The following PTPRD variants were observed in gnomAD, a reference collection of about 807,000 sequenced individuals.
PTPRD encodes protein tyrosine phosphatase receptor type D.
A neutral mutation model predicts 214.5 loss-of-function variants in PTPRD; 34 were observed. That is an observed-to-expected ratio of 0.16 (90% CI 0.12 to 0.21). The LOEUF (loss-of-function observed/expected upper bound fraction) is 0.21. Ranked by LOEUF, PTPRD falls within the 10% of genes least tolerant of loss-of-function variation. The pLI is 1.00. For missense variants in PTPRD, 2,545 were observed against 2,398.7 expected, an observed-to-expected ratio of 1.06 and a Z score of -1.27; for synonymous variants, 1,128 against 845.7, an observed-to-expected ratio of 1.33 and a Z score of -5.79.
chr9:8,754,637 T>C (rs1041151637), intron 11 of PTPRD, among the ~76,000 whole-genome samples: 1 of 152,186 alleles, frequency 6.6e-6, no homozygotes, highest in Non-Finnish European at 1.5e-5. Context: ...AAATAATACA[T>C]CTTATAGACA....
chr9:9,789,536 G>A (rs567973952), intron 5 of PTPRD, among the ~76,000 whole-genome samples: 2 of 152,116 alleles, frequency 1.3e-5, no homozygotes, highest in South Asian at 2.1e-4. Flanking sequence ...GGTGGCTCAC[G>A]CCTGTAATCC....
Position 8,668,312 on chromosome 9 carries a change from A to G in PTPRD, c.65-31468T>C, listed in dbSNP as rs188173014. On this transcript the variant is annotated intron_variant, in intron 12 of 45. Transcript: ENST00000381196. ...CTAACCTAAAAGAGGCTTTAATTAG[A>G]TGTTCAAAAAATAGATCAAATTAGG... is the stretch of plus-strand genomic sequence containing the variant. Among the ~76,000 whole-genome samples, 5 of 152,336 alleles carry G rather than the reference A, an allele frequency of 3.3e-5. No homozygotes were observed. In the East Asian group the frequency reaches 9.7e-4, roughly 29 times the overall value.
intron 11 of PTPRD, among the ~76,000 whole-genome samples, chr9:8,892,689 G>GTA (rs78664606): frequency 0.058 from 8,059 of 140,114 alleles, 850 homozygotes; most frequent in African/African-American, 0.2. Context: ...ATATATGAGT[G>GTA]TATATATATA....
chr9:9,418,190 G>A (rs2077545699), intron 8 of PTPRD, among the ~76,000 whole-genome samples: 1 of 151,954 alleles, frequency 6.6e-6, no homozygotes, highest in Non-Finnish European at 1.5e-5. Flanking sequence ...TGGGTGCCTG[G>A]CAAAGTGTTA....
chr9:10,230,325 A>G (rs1302941997), intron 3 of PTPRD, among the ~76,000 whole-genome samples: 1 of 152,002 alleles, frequency 6.6e-6, no homozygotes, highest in African/African-American at 2.4e-5. Flanking sequence ...TGGAAGCTGT[A>G]ACAAACTAAT....
chr9:10,329,585 G>A (rs567562938), intron 3 of PTPRD, among the ~76,000 whole-genome samples: 2 of 151,552 alleles, frequency 1.3e-5, no homozygotes, highest in African/African-American at 2.4e-5. Flanking sequence ...TCAGTACATC[G>A]CATGCTTAAT....
chr9:9,349,313 T>A (rs143697683), intron 9 of PTPRD, among the ~76,000 whole-genome samples: 37 of 152,164 alleles, frequency 2.4e-4, no homozygotes, highest in Middle Eastern at 6.8e-3. Flanking sequence ...CTACCACTAC[T>A]TTGGGAAAGC....
At chr9:8,530,349 A>T (rs551741616) in intron 14 of PTPRD, among the ~76,000 whole-genome samples, 1 of 152,146 alleles carries the variant, frequency 6.6e-6, no homozygotes, top group African/African-American at 2.4e-5. Flanking sequence ...CCACATTGAA[A>T]TTCTCACCAC....
At chr9:10,125,203 A>G (rs1350309059) in intron 3 of PTPRD, among the ~76,000 whole-genome samples, 4 of 151,594 alleles carry the variant, frequency 2.6e-5, no homozygotes, top group African/African-American at 4.8e-5. Context: ...CAATATAATC[A>G]ATTACCTTTA....
intron 39 of PTPRD, among the ~76,000 whole-genome samples, chr9:8,352,256 C>T (rs1001921849): frequency 3.3e-5 from 5 of 151,960 alleles, no homozygotes; most frequent in Non-Finnish European, 7.4e-5. Flanking sequence ...CTGAATATGC[C>T]GCAGCAGGTC....
At chr9:9,673,731 C>G (rs1036292591) in intron 7 of PTPRD, among the ~76,000 whole-genome samples, 51 of 149,018 alleles carry the variant, frequency 3.4e-4, no homozygotes, top group African/African-American at 1.2e-3. Flanking sequence ...AAAAAAAAAG[C>G]ATACCTGGAT....
chr9:8,444,770 T>C (rs985534221), intron 34 of PTPRD, among the ~76,000 whole-genome samples: 2 of 152,176 alleles, frequency 1.3e-5, no homozygotes, highest in African/African-American at 2.4e-5. Flanking sequence ...ATTAAAAAGA[T>C]GTTCTGGGAC....
At chr9:8,572,002 G>C (rs1018531434) in intron 14 of PTPRD, among the ~76,000 whole-genome samples, 1 of 152,078 alleles carries the variant, frequency 6.6e-6, no homozygotes, top group African/African-American at 2.4e-5. Flanking sequence ...GAAGTAATGT[G>C]TACAGTGATG....
chr9:10,281,972 C>CT (rs1772779867), intron 3 of PTPRD, among the ~76,000 whole-genome samples: 2 of 149,308 alleles, frequency 1.3e-5, no homozygotes, highest in African/African-American at 4.9e-5. Context: ...TATTGGGGGC[C>CT]TAAGTAGTTA....
chr9:8,854,626 T>C (rs79081650), intron 11 of PTPRD, among the ~76,000 whole-genome samples: 5,702 of 152,274 alleles, frequency 0.037, 154 homozygotes, highest in Middle Eastern at 0.075. Context: ...TCTCTCAAGA[T>C]TGCCATGGCT....
chr9:9,892,743 G>GT (rs1333535930), intron 5 of PTPRD, among the ~76,000 whole-genome samples: 1 of 136,108 alleles, frequency 7.3e-6, no homozygotes, highest in East Asian at 2.0e-4. Flanking sequence ...TAATAACGAG[G>GT]TAAAAAAAAA....
intron 3 of PTPRD, among the ~76,000 whole-genome samples, chr9:10,140,664 G>A (rs562037885): frequency 2.0e-5 from 3 of 152,180 alleles, no homozygotes; most frequent in South Asian, 4.1e-4. Context: ...AATTCTCCCA[G>A]AGGTACAAGG....
rs576401934 is a variant in PTPRD, at chr9:10,278,404, T to C, written c.-545+62559A>G. 2.4e-3 allele frequency among the ~76,000 whole-genome samples: 363 copies of C among 152,134 alleles called. 3 individuals are homozygous for C. Among genetic ancestry groups the C allele is most frequent in the African/African-American group, 8.4e-3 (350 of 41,504 alleles). ...AAAGTGGTTCAGGAGGTCCTGGAGG[T>C]GAGCTTGAGGTCAGTAGAGGGAGAG... On this transcript the variant is annotated intron_variant, in intron 3 of 45. Coordinates refer to ENST00000381196, the MANE Select transcript of PTPRD (RefSeq NM_002839.4).
At position 9,503,872 on chromosome 9, in the gene PTPRD, T is replaced by TA. The variant is rs566229383; in HGVS notation, c.-237+70859dup. 5.9e-3 allele frequency among the ~76,000 whole-genome samples: 895 copies of TA among 150,820 alleles called. 9 individuals carry two copies. Among genetic ancestry groups the TA allele is most frequent in the African/African-American group, 0.02 (828 of 41,258 alleles). ...ACATAAAGGCCATTGCCACCTTACA[T>TA]AAAAAAAAATACTTCTGAGAGGACA... On this transcript the variant is annotated intron_variant, in intron 8 of 45. Transcript: ENST00000381196.
Sources: allele counts gnomAD v4.1 joint callset (sites outside exome capture counted in the v4.1 genomes callset), GRCh38; gene constraint gnomAD v4.1.1; transcripts MANE v1.5; gene names NCBI Gene and HGNC (gene_info 2026-07-23, HGNC 2026-07-21).